The following PRDX1 variants were observed in gnomAD, a reference collection of about 807,000 sequenced individuals.
The protein encoded by PRDX1 is peroxiredoxin 1, also known as peroxiredoxin-1.
Under a neutral mutation model 20.7 loss-of-function variants are expected in PRDX1, and 19 were observed. That is an observed-to-expected ratio of 0.92 (90% CI 0.64 to 1.35). The LOEUF (loss-of-function observed/expected upper bound fraction) is 1.35. Ranked by LOEUF, PRDX1 falls within the 40% of genes most tolerant of loss-of-function variation. The pLI is 0.00. For synonymous variants in PRDX1, 89 were observed against 83.9 expected (o/e 1.06, Z -0.33); for missense variants, 226 against 240.0 (o/e 0.94, Z 0.38).
rs1208910181 is a variant in PRDX1, at chr1:45,519,071, TGAATTAGAAAC to T, written c.-11-28_-11-18del. On this transcript the variant is annotated intron_variant, in intron 1 of 5. Coordinates refer to ENST00000319248, the MANE Select transcript of PRDX1 (RefSeq NM_181697.3). ...TCCTATCAGCTAGAAATAACAGAAA[TGAATTAGAAAC>T]AAGCCTTAATTTTCTACATAACCAG... 4 of 1,514,162 alleles carry T rather than the reference TGAATTAGAAAC, an allele frequency of 2.6e-6. No homozygotes were observed. The highest frequency in any genetic ancestry group is 3.6e-6 in the Non-Finnish European group (4 of 1,109,712). The allele number at this position is 1,514,162 out of a possible 1,614,324, so 93.8% of individuals were successfully genotyped here.
chr1:45,515,342 G>T (rs1643838300), intron 3 of PRDX1, among the ~76,000 whole-genome samples: 1 of 152,128 alleles, frequency 6.6e-6, no homozygotes, highest in South Asian at 2.1e-4. Flanking sequence ...GCTCACACCT[G>T]TAATCCCAGC....
intron 5 of PRDX1, chr1:45,513,432 G>C (rs1643793792): frequency 6.6e-6 from 1 of 152,216 alleles, no homozygotes; most frequent in Non-Finnish European, 1.5e-5. Context: ...CTGTAATCCA[G>C]GGGCTTCAAT....
chr1:45,511,124 C>G lies in PRDX1; in HGVS notation c.*205G>C. The stretch of plus-strand genomic sequence containing the variant: ...ACTAATACATCATACAAACCAGTAG[C>G]CTGCCCACAACGCCAACTCAGGCCA... On this transcript the variant is annotated 3_prime_UTR_variant, in exon 6 of 6. Coordinates refer to ENST00000319248, the MANE Select transcript of PRDX1 (RefSeq NM_181697.3). 4.0e-6 allele frequency: 2 copies of G among 501,106 alleles called. No homozygotes were observed. Among genetic ancestry groups the G allele is most frequent in the Non-Finnish European group, 7.1e-6 (2 of 283,128 alleles). 31.0% of individuals were successfully genotyped at this position (501,106 alleles called of 1,614,324 possible). A position where few individuals can be genotyped will look rare whatever the true frequency, so the allele number is the denominator to read the frequency against.
At chr1:45,514,720 AT>A in intron 4 of PRDX1, 83 bp from the exon 5 acceptor site, 1 of 1,587,972 alleles carries the variant, frequency 6.3e-7, no homozygotes, top group Non-Finnish European at 8.6e-7. Flanking sequence ...CCTGAAGGAA[AT>A]GGACTGGTCT....
chr1:45,515,656 T>C lies in PRDX1; in HGVS notation c.258A>G (p.Ala86=), dbSNP rs1643847536. 3.2e-6 allele frequency: 5 copies of C among 1,562,880 alleles called. No individual in the cohort carries two copies. Among genetic ancestry groups the C allele is most frequent in the Non-Finnish European group, 4.3e-6 (5 of 1,156,826 alleles). The change falls in exon 3 of 6, where the codon GCA becomes GCG. Residue 86 remains alanine (A), a splice_region_variant and synonymous_variant. Coordinates refer to ENST00000319248, the MANE Select transcript of PRDX1 (RefSeq NM_181697.3). Reference sequence around the variant, plus strand: ...GCCAAATAGACCAAGAGATTTACCATGCTAGATGACAGAAGTGAGAATCCA... The same window carrying C: ...GCCAAATAGACCAAGAGATTTACCACGCTAGATGACAGAAGTGAGAATCCA... ...ASVDSHFCHL[A]WVNTPKKQGG... is the part of the protein sequence containing the mutation.
chr1:45,511,584 A>G (rs1643746926), intron 5 of PRDX1, 170 bp from the exon 6 acceptor site: 1 of 421,436 alleles, frequency 2.4e-6, no homozygotes, highest in East Asian at 3.5e-5. Context: ...TTTTACAAAC[A>G]TATAATCATC....
intron 5 of PRDX1, among the ~76,000 whole-genome samples, chr1:45,513,661 C>T (rs1343078474): frequency 4.6e-5 from 7 of 152,234 alleles, no homozygotes; most frequent in Non-Finnish European, 7.3e-5. Flanking sequence ...CTCCCTGAAA[C>T]ATGTGCTGTG....
At position 45,518,943 on chromosome 1, in the gene PRDX1, T is replaced by C; in HGVS notation, c.101A>G (p.Tyr34Cys). The C allele has an allele frequency of 2.5e-6, 4 of 1,595,630 alleles. No individual in the cohort carries two copies. Among genetic ancestry groups the C allele is most frequent in the South Asian group, 1.1e-5 (1 of 88,550 alleles). Residue 34 changes from tyrosine to cysteine, a missense_variant, in exon 2 of 6, where the codon TAC becomes TGC. Physicochemically the swap from Tyr to Cys is radical, Grantham distance 194. Transcript: ENST00000319248. ...CCCAGTGTTAATTCTCTCACCTTTG[T>C]AGTCAGACAGGCTGATATCTTTAAA... Reference protein sequence around the residue: ...GQFKDISLSDYKGKYVVFFFY... With the variant: ...GQFKDISLSDCKGKYVVFFFY...
intron 5 of PRDX1, chr1:45,512,690 T>C (rs1643777421): frequency 6.6e-6 from 1 of 152,128 alleles, no homozygotes; most frequent in Non-Finnish European, 1.5e-5. Flanking sequence ...CTAACCTATA[T>C]GTAGGTTCCT....
intron 3 of PRDX1, 49 bp downstream of exon 3, chr1:45,515,598 CAAAAAAA>C (rs67528538): frequency 6.6e-4 from 597 of 907,786 alleles, no homozygotes; most frequent in Middle Eastern, 2.2e-3. Context: ...GACTCCATCT[CAAAAAAA>C]AAAAAAAAAA....
intron 2 of PRDX1, among the ~76,000 whole-genome samples, chr1:45,517,670 T>C (rs1014764899): frequency 6.6e-6 from 1 of 150,854 alleles, no homozygotes; most frequent in East Asian, 2.0e-4. Context: ...TAGTCCCAGC[T>C]ACTCAAGAGG....
At chr1:45,513,847 C>T (rs1432511325) in intron 5 of PRDX1, among the ~76,000 whole-genome samples, 1 of 152,180 alleles carries the variant, frequency 6.6e-6, no homozygotes, top group African/African-American at 2.4e-5. Context: ...AGGTATTGTC[C>T]AAGGTTTCTC....
intron 1 of PRDX1, among the ~76,000 whole-genome samples, chr1:45,520,294 A>C (rs967486484): frequency 9.7e-5 from 7 of 72,412 alleles, no homozygotes; most frequent in Middle Eastern, 7.0e-3. Context: ...TAAGCCCTAG[A>C]ATTCCCTTCA....
intron 1 of PRDX1, among the ~76,000 whole-genome samples, chr1:45,520,205 C>CAAAAAAAAAAAAAAAAAAA (rs59260423): frequency 1.4e-4 from 13 of 91,032 alleles, no homozygotes; most frequent in African/African-American, 4.1e-4. Context: ...ACTCTGTCTC[C>CAAAAAAAAAAAAAAAAAAA]AAAAAAAAAA....
At chr1:45,522,038 T>A (rs898390457), upstream of PRDX1, 5 of 152,248 alleles carry the variant, frequency 3.3e-5, no homozygotes, top group African/African-American at 1.2e-4. Context: ...TTTCCCTCGT[T>A]GGGGCGGGTG....
chr1:45,516,101 A>C (rs963123449), intron 2 of PRDX1, among the ~76,000 whole-genome samples: 4 of 152,260 alleles, frequency 2.6e-5, no homozygotes, highest in Non-Finnish European at 4.4e-5. Context: ...AAATTAACAT[A>C]AACACCAAGT....
chr1:45,511,287 C>T lies in PRDX1; in HGVS notation c.*42G>A. 1 of 1,486,488 alleles carries T rather than the reference C, an allele frequency of 6.7e-7. No homozygotes were observed. Among genetic ancestry groups the T allele is most frequent in the African/African-American group, 1.4e-5 (1 of 70,172 alleles). The allele number at this position is 1,486,488 out of a possible 1,614,324, so 92.1% of individuals were successfully genotyped here. A position where few individuals can be genotyped will look rare whatever the true frequency, so the allele number is the denominator to read the frequency against. ...AAAAATACAGAAGAGGTTTTGTTCT[C>T]ATGGCTGCCCACCGCAGCCTGGCAC... is the stretch of plus-strand genomic sequence containing the variant. On this transcript the variant is annotated 3_prime_UTR_variant, in exon 6 of 6. Transcript: ENST00000319248.
At chr1:45,518,252 C>T (rs1004757928) in intron 2 of PRDX1, among the ~76,000 whole-genome samples, 4 of 151,778 alleles carry the variant, frequency 2.6e-5, no homozygotes, top group Non-Finnish European at 5.9e-5. Context: ...CATCTGAGGT[C>T]AGGAGTTCGA....
chr1:45,518,139 T>C (rs1170535814), intron 2 of PRDX1, among the ~76,000 whole-genome samples: 1 of 152,082 alleles, frequency 6.6e-6, no homozygotes, highest in Non-Finnish European at 1.5e-5. Flanking sequence ...GAGACCAGCC[T>C]GGGCAACATG....
Sources: allele counts gnomAD v4.1 joint callset (sites outside exome capture counted in the v4.1 genomes callset), GRCh38; gene constraint gnomAD v4.1.1; transcripts MANE v1.5; gene names NCBI Gene and HGNC (gene_info 2026-07-23, HGNC 2026-07-21).